Variants in FBXO48 observed in about 807,000 individuals in gnomAD.
The protein encoded by FBXO48 is F-box only protein 48.
Under a neutral mutation model 14.3 loss-of-function variants are expected in FBXO48, and 12 were observed. That is an observed-to-expected ratio of 0.84 (90% CI 0.54 to 1.36). The LOEUF is 1.36. FBXO48 is among the 40% of genes most tolerant of loss of function. FBXO48 has a pLI of 0.00. For missense variants in FBXO48, 177 were observed against 179.1 expected (o/e 0.99, Z 0.07); for synonymous variants, 53 against 61.7 (o/e 0.86, Z 0.66).
In FBXO48 at chr2:68,460,481, G is replaced by A. The variant is rs529770129; in HGVS notation, c.*3728C>T. On this transcript the variant is annotated 3_prime_UTR_variant, in exon 4 of 4. Transcript: ENST00000377957. ...GAGGAAGAACTACTTTTATGAGATG[G>A]TAAGTTTTGATTCAGGTGCTTATAT... The A allele has an allele frequency of 6.6e-6, 1 of 151,630 alleles. No individual in the cohort carries two copies. The highest frequency in any genetic ancestry group is 1.9e-4 in the East Asian group (1 of 5,188). 9.4% of individuals were successfully genotyped at this position (151,630 alleles called of 1,614,324 possible).
chr2:68,463,665 C>T lies in FBXO48; in HGVS notation c.*544G>A, dbSNP rs1372328077. On this transcript the variant is annotated 3_prime_UTR_variant, in exon 4 of 4. Coordinates refer to ENST00000377957, the MANE Select transcript of FBXO48 (RefSeq NM_001024680.3). The stretch of plus-strand genomic sequence containing the variant: ...AGATGACATTAACTTAAAACTAAAC[C>T]ACAGGCTTAACACATTAAAAATAGT... 4 of 152,170 alleles carry T rather than the reference C, an allele frequency of 2.6e-5. No individual in the cohort carries two copies. Among genetic ancestry groups the T allele is most frequent in the Admixed American group, 6.5e-5 (1 of 15,272 alleles). 9.4% of individuals were successfully genotyped at this position (152,170 alleles called of 1,614,324 possible). A position where few individuals can be genotyped will look rare whatever the true frequency, so the allele number is the denominator to read the frequency against.
At position 68,460,192 on chromosome 2, in the gene FBXO48, T is replaced by A. The variant is rs542769467; in HGVS notation, c.*4017A>T. ...AGGGTGACGTGCTAAATTTGGGGTT[T>A]AACAAAGACTACACTGCTAACAGTA... On this transcript the variant is annotated 3_prime_UTR_variant, in exon 4 of 4. Coordinates refer to ENST00000377957, the MANE Select transcript of FBXO48 (RefSeq NM_001024680.3). 9.9e-5 allele frequency: 15 copies of A among 152,198 alleles called. No homozygotes were observed. Among genetic ancestry groups the A allele is most frequent in the African/African-American group, 3.4e-4 (14 of 41,522 alleles). The allele number at this position is 152,198 out of a possible 1,614,324, so 9.4% of individuals were successfully genotyped here.
rs1449592581 is a variant in FBXO48 at position 68,461,358 on chromosome 2, G to A, written c.*2851C>T. Reference sequence around the variant, plus strand: ...AGGCCGGACTGCGGACTGCAGTGGCGCAATCTCGGCTCACTGCAAGCTCCG... The same window carrying A: ...AGGCCGGACTGCGGACTGCAGTGGCACAATCTCGGCTCACTGCAAGCTCCG... On this transcript the variant is annotated 3_prime_UTR_variant, in exon 4 of 4. Coordinates refer to ENST00000377957, the MANE Select transcript of FBXO48 (RefSeq NM_001024680.3). 1 of 145,062 alleles carries A rather than the reference G, an allele frequency of 6.9e-6. No individual in the cohort carries two copies. The highest frequency in any genetic ancestry group is 1.5e-5 in the Non-Finnish European group (1 of 67,166). 9.0% of individuals were successfully genotyped at this position (145,062 alleles called of 1,614,324 possible). A position where few individuals can be genotyped will look rare whatever the true frequency, so the allele number is the denominator to read the frequency against.
At chr2:68,465,468 C>A (rs996645728) in intron 2 of FBXO48, among the ~76,000 whole-genome samples, 3 of 151,214 alleles carry the variant, frequency 2.0e-5, no homozygotes, top group African/African-American at 7.3e-5. Context: ...CTCACTGCAG[C>A]CTCAAACTCC....
Position 68,465,169 on chromosome 2 carries a change from CA to C in FBXO48, c.-25del. 2 of 1,535,834 alleles carry C rather than the reference CA, an allele frequency of 1.3e-6. No individual in the cohort carries two copies. Among genetic ancestry groups the C allele is most frequent in the Middle Eastern group, 3.6e-4 (2 of 5,532 alleles). On this transcript the variant is annotated 5_prime_UTR_variant, in exon 3 of 4. The change abolishes an upstream ATG in the 5' untranslated region. Transcript: ENST00000377957. Reference sequence around the variant, plus strand: ...ATAGCTTAATGTTTTAAGTTATCCTCATATGTAACCTAAAAGGCAAAATTTA... The same window carrying C: ...ATAGCTTAATGTTTTAAGTTATCCTCTATGTAACCTAAAAGGCAAAATTTA...
chr2:68,466,647 G>A (rs559194822), intron 1 of FBXO48, among the ~76,000 whole-genome samples, 177 bp from the exon 2 acceptor site: 12 of 152,252 alleles, frequency 7.9e-5, no homozygotes, highest in South Asian at 6.2e-4. Flanking sequence ...ACGTTACAGT[G>A]TGTTTATCCA....
chr2:68,459,886 T>C lies in FBXO48; in HGVS notation c.*4323A>G, dbSNP rs567334235. ...ACTTAATCCAGAACAGTAGAAGTTA[T>C]GGATTGTTTCCAGGCCAAGATGATA... On this transcript the variant is annotated 3_prime_UTR_variant, in exon 4 of 4. Coordinates refer to ENST00000377957, the MANE Select transcript of FBXO48 (RefSeq NM_001024680.3). The C allele has an allele frequency of 2.4e-4, 36 of 152,374 alleles. No individual in the cohort carries two copies. The highest frequency in any genetic ancestry group is 3.4e-3 in the Middle Eastern group (1 of 294). The allele number at this position is 152,374 out of a possible 1,614,324, so 9.4% of individuals were successfully genotyped here. A position where few individuals can be genotyped will look rare whatever the true frequency, so the allele number is the denominator to read the frequency against.
In FBXO48 at chr2:68,464,843, C is replaced by T. The variant is rs746274887; in HGVS notation, c.303G>A (p.Trp101Ter). 3.7e-6 allele frequency: 6 copies of T among 1,608,106 alleles called. No homozygotes were observed. The South Asian group carries it at 5.5e-5, about 15-fold the overall frequency. Residue 101 changes from tryptophan to a stop codon, truncating the protein, a stop_gained, in exon 3 of 4, where the codon TGG (tryptophan) becomes TGA (stop). Transcript: ENST00000377957. LOFTEE classifies it high-confidence loss of function. The part of the protein sequence containing the change: ...IDDDLESGYS[W>*]RVILLRNYQK... ...AGATCGCAAAGATTAAACTTACCCT[C>T]CAGGAATAACCACTTTCTAGATCAT... is the stretch of plus-strand genomic sequence containing the variant.
At chr2:68,464,494 C>T in intron 3 of FBXO48, 124 bp from the exon 4 acceptor site, 1 of 772,048 alleles carries the variant, frequency 1.3e-6, no homozygotes, top group Non-Finnish European at 2.1e-6. Context: ...TATATACGTA[C>T]ATTAATAAAT....
intron 3 of FBXO48, among the ~76,000 whole-genome samples, 187 bp from the exon 4 acceptor site, chr2:68,464,557 A>G (rs547490845): frequency 5.3e-5 from 8 of 152,294 alleles, no homozygotes; most frequent in Non-Finnish European, 1.2e-4. Flanking sequence ...ACTGAGTGGC[A>G]TAAGGTGAAG....
At position 68,463,244 on chromosome 2, in the gene FBXO48, T is replaced by A. The variant is rs553794127; in HGVS notation, c.*965A>T. The A allele has an allele frequency of 3.9e-5, 6 of 152,240 alleles. No individual in the cohort carries two copies. The South Asian group carries it at 1.2e-3, about 32-fold the overall frequency. 9.4% of individuals were successfully genotyped at this position (152,240 alleles called of 1,614,324 possible). ...GTTTGTAGACACTTTTTTACTATGG[T>A]GGTAACCACAGATTCAGAATAAACA... On this transcript the variant is annotated 3_prime_UTR_variant, in exon 4 of 4. Transcript: ENST00000377957.
chr2:68,464,740 CAT>C, intron 3 of FBXO48, 98 bp downstream of exon 3: 1 of 828,642 alleles, frequency 1.2e-6, no homozygotes. Flanking sequence ...TGTTATTCTG[CAT>C]ATGTAATTCT....
In FBXO48 at chr2:68,465,046, AGTT is replaced by A; in HGVS notation, c.97_99del (p.Asn33del). The A allele has an allele frequency of 6.2e-7, 1 of 1,613,986 alleles. No individual in the cohort carries two copies. ...ATTTCTGCAGGCAGCAGTTCAAAAA[AGTT>A]GTTTTGACTCTCATTTTTTTCCTTC... is the stretch of plus-strand genomic sequence containing the variant. On this transcript the variant is annotated inframe_deletion, in exon 3 of 4. Transcript: ENST00000377957.
At chr2:68,465,702 T>C (rs1296268908) in intron 2 of FBXO48, among the ~76,000 whole-genome samples, 2 of 152,176 alleles carry the variant, frequency 1.3e-5, no homozygotes, top group African/African-American at 4.8e-5. Context: ...CTTTTGTACC[T>C]TTGAAAATGT....
rs991303066 is a variant in FBXO48 at position 68,461,141 on chromosome 2, T to C, written c.*3068A>G. 3.3e-5 allele frequency: 5 copies of C among 152,152 alleles called. No homozygotes were observed. The highest frequency in any genetic ancestry group is 3.3e-4 in the Admixed American group (5 of 15,282). 9.4% of individuals were successfully genotyped at this position (152,152 alleles called of 1,614,324 possible). On this transcript the variant is annotated 3_prime_UTR_variant, in exon 4 of 4. Transcript: ENST00000377957. ...ACATCAGGTGGGGGTCCCAGTATGA[T>C]GGTGAAACTCAATTTGAATTAATTT...
At position 68,463,606 on chromosome 2, in the gene FBXO48, A is replaced by C. The variant is rs1460324586; in HGVS notation, c.*603T>G. On this transcript the variant is annotated 3_prime_UTR_variant, in exon 4 of 4. Transcript: ENST00000377957. ...AGCCGTTCCAGGTTTATATAAAATTAATGGGAATCTCAATTGGACAAACTT... is the reference window on the plus strand; with the variant it reads ...AGCCGTTCCAGGTTTATATAAAATTCATGGGAATCTCAATTGGACAAACTT... 1 of 152,178 alleles carries C rather than the reference A, an allele frequency of 6.6e-6. No homozygotes were observed. The highest frequency in any genetic ancestry group is 1.5e-5 in the Non-Finnish European group (1 of 68,052). 9.4% of individuals were successfully genotyped at this position (152,178 alleles called of 1,614,324 possible). A position where few individuals can be genotyped will look rare whatever the true frequency, so the allele number is the denominator to read the frequency against.
In FBXO48 at chr2:68,462,658, C is replaced by T. The variant is rs1375589581; in HGVS notation, c.*1551G>A. 1 of 152,248 alleles carries T rather than the reference C, an allele frequency of 6.6e-6. No individual in the cohort carries two copies. The highest frequency in any genetic ancestry group is 1.5e-5 in the Non-Finnish European group (1 of 68,080). 9.4% of individuals were successfully genotyped at this position (152,248 alleles called of 1,614,324 possible). ...CAGGCGTGAGCCATGGCGCACAGCC[C>T]CTTTCTTTTGTTAAGAGTAAATGGG... On this transcript the variant is annotated 3_prime_UTR_variant, in exon 4 of 4. Coordinates refer to ENST00000377957, the MANE Select transcript of FBXO48 (RefSeq NM_001024680.3).
rs1259721432 is a variant in FBXO48 at position 68,463,790 on chromosome 2, TTAGC to T, written c.*415_*418del. The T allele has an allele frequency of 1.9e-5, 3 of 156,462 alleles. No individual in the cohort carries two copies. Among genetic ancestry groups the T allele is most frequent in the Non-Finnish European group, 2.8e-5 (2 of 70,370 alleles). The allele number at this position is 156,462 out of a possible 1,614,324, so 9.7% of individuals were successfully genotyped here. On this transcript the variant is annotated 3_prime_UTR_variant, in exon 4 of 4. Transcript: ENST00000377957. ...TTAAATGTATTGCTATTAATTTCAC[TTAGC>T]TAGTCTTCCCATGAGCCTAGTTATA... is the stretch of plus-strand genomic sequence containing the variant.
rs1675270369 is a variant in FBXO48 at position 68,461,751 on chromosome 2, A to C, written c.*2458T>G. ...AAACAGGATAATGTAAAAAAAAAAAAACAAGAAAACAAAAAACCCAGCTGG... is the reference window on the plus strand; with the variant it reads ...AAACAGGATAATGTAAAAAAAAAAACACAAGAAAACAAAAAACCCAGCTGG... On this transcript the variant is annotated 3_prime_UTR_variant, in exon 4 of 4. Coordinates refer to ENST00000377957, the MANE Select transcript of FBXO48 (RefSeq NM_001024680.3). The C allele has an allele frequency of 6.6e-6, 1 of 151,910 alleles. No individual in the cohort carries two copies. Among genetic ancestry groups the C allele is most frequent in the Non-Finnish European group, 1.5e-5 (1 of 68,140 alleles). 9.4% of individuals were successfully genotyped at this position (151,910 alleles called of 1,614,324 possible). A position where few individuals can be genotyped will look rare whatever the true frequency, so the allele number is the denominator to read the frequency against.
Sources: gnomAD v4.1 joint callset for allele counts (sites outside exome capture counted in the v4.1 genomes callset) on GRCh38, gnomAD v4.1.1 for gene constraint, MANE v1.5 for transcripts, NCBI Gene and HGNC (gene_info 2026-07-23, HGNC 2026-07-21) for gene names.